MECOM: variants seen among roughly 807,000 people sequenced by gnomAD.
The protein encoded by MECOM is MDS1 and EVI1 complex locus.
Under a neutral mutation model 116.3 loss-of-function variants are expected in MECOM, and 13 were observed. That is an observed-to-expected ratio of 0.11 (90% CI 0.07 to 0.18). MECOM has a LOEUF of 0.18. Ranked by LOEUF, MECOM falls within the 10% of genes least tolerant of loss-of-function variation. The probability of loss-of-function intolerance (pLI) is 1.00; values close to 1 mark genes in which losing one functional copy is unlikely to be tolerated. For missense variants in MECOM, 1,299 were observed against 1,509.0 expected (o/e 0.86, Z 2.31); for synonymous variants, 528 against 535.2 (o/e 0.99, Z 0.19).
intron 1 of MECOM, among the ~76,000 whole-genome samples, chr3:169,516,828 G>C (rs1188886211): frequency 6.6e-6 from 1 of 152,174 alleles, no homozygotes; most frequent in Non-Finnish European, 1.5e-5. Flanking sequence ...CAGACCCACA[G>C]AGGAAAACGA....
chr3:169,257,243 G>C (rs1472863861), intron 2 of MECOM, among the ~76,000 whole-genome samples: 1 of 152,180 alleles, frequency 6.6e-6, no homozygotes, highest in Non-Finnish European at 1.5e-5. Context: ...AGAGTGTCAA[G>C]AGCATTTTAA....
At chr3:169,164,556 A>G (rs997115142) in intron 2 of MECOM, among the ~76,000 whole-genome samples, 1 of 152,090 alleles carries the variant, frequency 6.6e-6, no homozygotes, top group Non-Finnish European at 1.5e-5. Flanking sequence ...TTGATCTACT[A>G]AGGTTCTCAA....
intron 15 of MECOM, 39 bp from the exon 16 acceptor site, chr3:169,089,222 C>G: frequency 7.2e-7 from 1 of 1,383,068 alleles, no homozygotes; most frequent in Non-Finnish European, 9.5e-7. Flanking sequence ...ATTTTCTTTT[C>G]ATTTGTTATC....
intron 1 of MECOM, among the ~76,000 whole-genome samples, chr3:169,559,648 A>T (rs935497101): frequency 4.6e-5 from 7 of 152,170 alleles, no homozygotes; most frequent in Non-Finnish European, 1.5e-5. Flanking sequence ...CATACACATT[A>T]TCTAAAATAG....
At chr3:169,213,683 G>T (rs1387944834) in intron 2 of MECOM, among the ~76,000 whole-genome samples, 1 of 152,072 alleles carries the variant, frequency 6.6e-6, no homozygotes, top group Non-Finnish European at 1.5e-5. Flanking sequence ...GAAAAAATCG[G>T]CAAAGTTATG....
chr3:169,454,365 T>C (rs1301848446), intron 1 of MECOM, among the ~76,000 whole-genome samples: 1 of 138,140 alleles, frequency 7.2e-6, no homozygotes, highest in Non-Finnish European at 1.5e-5. Context: ...AAACTTATGA[T>C]GGTAATGTAG....
At chr3:169,515,208 G>A (rs1164954010) in intron 1 of MECOM, among the ~76,000 whole-genome samples, 1 of 152,070 alleles carries the variant, frequency 6.6e-6, no homozygotes, top group African/African-American at 2.4e-5. Flanking sequence ...GGAAAAAAGA[G>A]GGATCTGGTA....
rs148691196 is a variant in MECOM, at chr3:169,445,458, C to T, written c.38-63934G>A. On this transcript the variant is annotated intron_variant, in intron 1 of 16. Transcript: ENST00000651503. ...TGAGCCTGTGAGTACACAGAAGTTA[C>T]GAATTGAGGTTTGGGAACCTCTGCC... 3.7e-3 allele frequency among the ~76,000 whole-genome samples: 560 copies of T among 152,280 alleles called. 2 individuals carry two copies. The highest frequency in any genetic ancestry group is 0.013 in the African/African-American group (524 of 41,564).
intron 1 of MECOM, among the ~76,000 whole-genome samples, chr3:169,457,610 A>G (rs912590372): frequency 1.3e-5 from 2 of 152,206 alleles, no homozygotes; most frequent in Admixed American, 6.5e-5. Context: ...TTTAGGCTCC[A>G]TAACTGTATT....
chr3:169,324,945 A>C (rs755327104), intron 2 of MECOM, among the ~76,000 whole-genome samples: 1 of 152,140 alleles, frequency 6.6e-6, no homozygotes, highest in Non-Finnish European at 1.5e-5. Context: ...TACAGATTGA[A>C]GTTACCTTGC....
At chr3:169,239,216 A>G (rs1754472379) in intron 2 of MECOM, among the ~76,000 whole-genome samples, 1 of 152,122 alleles carries the variant, frequency 6.6e-6, no homozygotes, top group African/African-American at 2.4e-5. Context: ...TTTTTCTTAA[A>G]GGTAATCAAA....
At chr3:169,085,422 G>A (rs1717349163) in intron 16 of MECOM, among the ~76,000 whole-genome samples, 1 of 152,112 alleles carries the variant, frequency 6.6e-6, no homozygotes, top group South Asian at 2.1e-4. Flanking sequence ...ATATTAATAA[G>A]ATATAGACCT....
chr3:169,592,652 T>A (rs1766567115), intron 1 of MECOM, among the ~76,000 whole-genome samples: 1 of 152,196 alleles, frequency 6.6e-6, no homozygotes, highest in Non-Finnish European at 1.5e-5. Flanking sequence ...GGGCACAGAA[T>A]CATGAAGTTC....
chr3:169,131,954 A>C, intron 3 of MECOM: 1 of 993,516 alleles, frequency 1.0e-6, no homozygotes, highest in Non-Finnish European at 1.2e-6. Flanking sequence ...TTCCCCACTT[A>C]AGCAAGTTTG....
chr3:169,643,193 C>T (rs1386599908), intron 1 of MECOM, among the ~76,000 whole-genome samples: 1 of 152,092 alleles, frequency 6.6e-6, no homozygotes, highest in African/African-American at 2.4e-5. Flanking sequence ...ATTTTTTTCT[C>T]AGGGAGCCTA....
intron 2 of MECOM, among the ~76,000 whole-genome samples, chr3:169,288,502 G>T (rs920404046): frequency 3.3e-5 from 5 of 152,154 alleles, no homozygotes; most frequent in African/African-American, 9.7e-5. Context: ...AATGAAATTA[G>T]TTCTTTGAGA....
At chr3:169,437,047 G>T (rs373118488) in intron 1 of MECOM, among the ~76,000 whole-genome samples, 1 of 152,072 alleles carries the variant, frequency 6.6e-6, no homozygotes, top group South Asian at 2.1e-4. Flanking sequence ...TAAAAGTCTC[G>T]TGAGTAAAAT....
intron 1 of MECOM, among the ~76,000 whole-genome samples, chr3:169,635,010 C>G (rs1457277914): frequency 2.0e-5 from 3 of 151,910 alleles, no homozygotes; most frequent in Non-Finnish European, 4.4e-5. Context: ...TATGGAGGAC[C>G]ACAGTGTTCT....
intron 1 of MECOM, among the ~76,000 whole-genome samples, chr3:169,612,670 A>C (rs1769435435): frequency 1.3e-5 from 2 of 152,146 alleles, no homozygotes; most frequent in Non-Finnish European, 2.9e-5. Context: ...TGTTTTGCCA[A>C]GAGCAAATGG....
Sources: allele counts gnomAD v4.1 joint callset (sites outside exome capture counted in the v4.1 genomes callset), GRCh38; gene constraint gnomAD v4.1.1; transcripts MANE v1.5; gene names NCBI Gene and HGNC (gene_info 2026-07-23, HGNC 2026-07-21).